MTBP: variants seen among roughly 807,000 people sequenced by gnomAD.
MTBP encodes MDM2 binding protein.
In MTBP, 101 loss-of-function variants were observed where a neutral mutation model predicts 117.0. The observed-to-expected ratio is 0.86, with a 90% CI of 0.73 to 1.02. The LOEUF (loss-of-function observed/expected upper bound fraction) is 1.02. MTBP is among the 50% of genes least tolerant of loss of function. The pLI, the probability that MTBP is intolerant of heterozygous loss-of-function variation, is 0.00. For missense variants in MTBP, 970 were observed against 1,030.9 expected, an observed-to-expected ratio of 0.94 and a Z score of 0.81; for synonymous variants, 350 against 351.5, an observed-to-expected ratio of 1.00 and a Z score of 0.05.
At chr8:120,466,970 T>A (rs1317333352) in intron 10 of MTBP, among the ~76,000 whole-genome samples, 2 of 152,258 alleles carry the variant, frequency 1.3e-5, no homozygotes, top group African/African-American at 4.8e-5. Context: ...TGCTTGTTTG[T>A]AATATTGGAT....
At chr8:120,494,485 G>A (rs1227015901) in intron 13 of MTBP, among the ~76,000 whole-genome samples, 1 of 152,174 alleles carries the variant, frequency 6.6e-6, no homozygotes, top group Non-Finnish European at 1.5e-5. Context: ...CCATCTTTCA[G>A]TCCCTGTGTT....
intron 13 of MTBP, among the ~76,000 whole-genome samples, chr8:120,493,264 T>C (rs773402880): frequency 2.0e-5 from 3 of 152,202 alleles, no homozygotes; most frequent in South Asian, 2.1e-4. Flanking sequence ...CTGCCACTTA[T>C]ATGCAAACTC....
chr8:120,503,312 C>CCT (rs1554641358), intron 15 of MTBP, among the ~76,000 whole-genome samples: 1 of 152,082 alleles, frequency 6.6e-6, no homozygotes, highest in Non-Finnish European at 1.5e-5. Flanking sequence ...GTGCACTGCC[C>CCT]CTCTCATCTA....
chr8:120,493,125 T>G (rs1407932945), intron 13 of MTBP, among the ~76,000 whole-genome samples: 1 of 152,232 alleles, frequency 6.6e-6, no homozygotes, highest in Admixed American at 6.5e-5. Context: ...TGCTGATTCC[T>G]TTGGATGTTC....
At position 120,516,011 on chromosome 8, in the gene MTBP, C is replaced by G; in HGVS notation, c.2066C>G (p.Thr689Ser). 1.9e-6 allele frequency: 3 copies of G among 1,613,094 alleles called. No homozygotes were observed. The highest frequency in any genetic ancestry group is 2.2e-5 in the East Asian group (1 of 44,848). The stretch of plus-strand genomic sequence containing the variant: ...CGTCTTATTCGTTATGAAACTCAAA[C>G]TACCTGCACCAGAGAAAGTTTTCCA... ...QSRLIRYETQ[T>S]TCTRESFPVP... The change falls in exon 18 of 22, where the codon ACT (threonine) becomes AGT (serine). Residue 689 changes from threonine (T) to serine (S), a missense_variant. By Grantham distance (58) the Thr-to-Ser change is moderately conservative. Coordinates refer to ENST00000305949, the MANE Select transcript of MTBP (RefSeq NM_022045.5).
chr8:120,450,966 T>G (rs747222226), intron 2 of MTBP, 37 bp from the exon 3 acceptor site: 1 of 1,457,998 alleles, frequency 6.9e-7, no homozygotes, highest in Admixed American at 1.8e-5. Context: ...TTATTTATGG[T>G]ATGCCTTTTT....
At chr8:120,522,512 T>A (rs1217342149) in intron 20 of MTBP, 142 bp from the exon 21 acceptor site, 4 of 563,718 alleles carry the variant, frequency 7.1e-6, no homozygotes, top group African/African-American at 1.9e-5. Context: ...TACTTAGATT[T>A]TTTTTGTTGT....
At chr8:120,457,363 C>T (rs1190263552) in intron 7 of MTBP, among the ~76,000 whole-genome samples, 1 of 152,118 alleles carries the variant, frequency 6.6e-6, no homozygotes. Context: ...CAAAACTAAA[C>T]TAAGAAAGTT....
At chr8:120,520,820 C>G (rs1478877226) in intron 20 of MTBP, among the ~76,000 whole-genome samples, 1 of 151,872 alleles carries the variant, frequency 6.6e-6, no homozygotes, top group Non-Finnish European at 1.5e-5. Context: ...AAAGAAACTT[C>G]TGAGGGAAGG....
chr8:120,514,168 G>C (rs1307775291), intron 17 of MTBP, among the ~76,000 whole-genome samples: 4 of 151,700 alleles, frequency 2.6e-5, no homozygotes, highest in Non-Finnish European at 5.9e-5. Flanking sequence ...CTGTAGCCAG[G>C]CAAACTAACA....
chr8:120,518,224 G>A (rs1045772650), intron 19 of MTBP, 124 bp downstream of exon 19: 4 of 1,063,434 alleles, frequency 3.8e-6, no homozygotes, highest in South Asian at 3.5e-5. Context: ...ATTTACTGGT[G>A]TAAGAAGGAT....
chr8:120,487,874 T>G (rs1814251264), intron 11 of MTBP, among the ~76,000 whole-genome samples: 1 of 152,228 alleles, frequency 6.6e-6, no homozygotes, highest in Admixed American at 6.5e-5. Flanking sequence ...ATTATTGATG[T>G]GGTTATTTAA....
Position 120,459,201 on chromosome 8 carries a change from T to A in MTBP, c.748-14T>A, listed in dbSNP as rs771917342. The A allele has an allele frequency of 6.2e-7, 1 of 1,600,874 alleles. No individual in the cohort carries two copies. The highest frequency in any genetic ancestry group is 8.5e-7 in the Non-Finnish European group (1 of 1,171,766). On this transcript the variant is annotated splice_polypyrimidine_tract_variant and intron_variant, in intron 7 of 21. Transcript: ENST00000305949. ...CATGATACTTGTAACTGTGTTTTCT[T>A]GGTCTCTTTTCAGTTTGGATTTGAA...
rs1396359780 is a variant in MTBP, at chr8:120,445,420, T to C, written c.-51T>C. On this transcript the variant is annotated 5_prime_UTR_variant, in exon 1 of 22. Coordinates refer to ENST00000305949, the MANE Select transcript of MTBP (RefSeq NM_022045.5). ...CCGGAAATGCGTCATAGCGCGCGTCTGTTTGGATGTGGAAGCCGAGACCTA... is the reference window on the plus strand; with the variant it reads ...CCGGAAATGCGTCATAGCGCGCGTCCGTTTGGATGTGGAAGCCGAGACCTA... 5 of 1,487,358 alleles carry C rather than the reference T, an allele frequency of 3.4e-6. No homozygotes were observed. The highest frequency in any genetic ancestry group is 4.7e-6 in the Non-Finnish European group (5 of 1,070,524). The allele number at this position is 1,487,358 out of a possible 1,614,324, so 92.1% of individuals were successfully genotyped here. A position where few individuals can be genotyped will look rare whatever the true frequency, so the allele number is the denominator to read the frequency against.
intron 12 of MTBP, 113 bp from the exon 13 acceptor site, chr8:120,490,346 GTGAT>G: frequency 1.6e-6 from 1 of 641,442 alleles, no homozygotes; most frequent in South Asian, 1.8e-5. Flanking sequence ...AGAGAGGTGA[GTGAT>G]TGACTTTTAT....
chr8:120,451,013 G>A lies in MTBP; in HGVS notation c.210G>A (p.Val70=). 6.2e-7 allele frequency: 1 copy of A among 1,610,744 alleles called. No individual in the cohort carries two copies. Among genetic ancestry groups the A allele is most frequent in the Non-Finnish European group, 8.5e-7 (1 of 1,178,612 alleles). The change falls in exon 3 of 22, where the codon GTG becomes GTA. Residue 70 remains valine (V), a synonymous_variant. Coordinates refer to ENST00000305949, the MANE Select transcript of MTBP (RefSeq NM_022045.5). ...PEDSTFPACS[V]GGIPGSKKWF... Reference sequence around the variant, plus strand: ...GGTTTTATTTTCAAGCCTGTTCAGTGGGAGGTATACCTGGTTCCAAGAAGT... The same window carrying A: ...GGTTTTATTTTCAAGCCTGTTCAGTAGGAGGTATACCTGGTTCCAAGAAGT...
chr8:120,491,703 G>C (rs759953737), intron 13 of MTBP, among the ~76,000 whole-genome samples: 1 of 152,178 alleles, frequency 6.6e-6, no homozygotes, highest in African/African-American at 2.4e-5. Flanking sequence ...GTCAGGCCCT[G>C]ATTTCCTTGC....
At chr8:120,475,317 A>T (rs1217141898) in intron 11 of MTBP, among the ~76,000 whole-genome samples, 1 of 151,938 alleles carries the variant, frequency 6.6e-6, no homozygotes, top group Non-Finnish European at 1.5e-5. Context: ...TGTCTACCTG[A>T]TGCTTAACAG....
chr8:120,474,957 A>G (rs1303534904), intron 11 of MTBP, among the ~76,000 whole-genome samples: 1 of 152,144 alleles, frequency 6.6e-6, no homozygotes, highest in African/African-American at 2.4e-5. Context: ...GCATTTAAAC[A>G]TATTTGTATA....
Sources: allele counts gnomAD v4.1 joint callset (sites outside exome capture counted in the v4.1 genomes callset), GRCh38; gene constraint gnomAD v4.1.1; transcripts MANE v1.5; gene names NCBI Gene and HGNC (gene_info 2026-07-23, HGNC 2026-07-21).